Variants in PCDH15 observed in about 807,000 individuals in gnomAD.
PCDH15 encodes the protein protocadherin related 15.
In PCDH15, 129 loss-of-function variants were observed where a neutral mutation model predicts 178.5. The observed-to-expected ratio is 0.72, with a 90% CI of 0.63 to 0.84. The LOEUF (loss-of-function observed/expected upper bound fraction) is 0.84. Among genes scored for constraint, PCDH15 ranks in the 40% least tolerant of loss-of-function variants. The pLI is 0.00. For synonymous variants in PCDH15, 800 were observed against 732.0 expected (o/e 1.09, Z -1.50); for missense variants, 2,230 against 2,099.9 (o/e 1.06, Z -1.21).
At chr10:54,425,019 A>G (rs528471041) in intron 3 of PCDH15, among the ~76,000 whole-genome samples, 1 of 151,950 alleles carries the variant, frequency 6.6e-6, no homozygotes, top group East Asian at 1.9e-4. Context: ...AAAAAAAAAA[A>G]AAAAAGAAAA....
chr10:53,951,636 C>T (rs1015996306), intron 23 of PCDH15, among the ~76,000 whole-genome samples: 4 of 152,132 alleles, frequency 2.6e-5, no homozygotes, highest in Admixed American at 6.5e-5. Flanking sequence ...AATATACAAA[C>T]GTTTGTTTAC....
chr10:54,953,519 C>T (rs1838398992), intron 2 of PCDH15, among the ~76,000 whole-genome samples: 1 of 151,400 alleles, frequency 6.6e-6, no homozygotes, highest in Non-Finnish European at 1.5e-5. Context: ...CATTATAATA[C>T]ACCTAATCTA....
intron 3 of PCDH15, among the ~76,000 whole-genome samples, chr10:54,380,301 T>C (rs948788719): frequency 2.0e-5 from 3 of 151,804 alleles, no homozygotes; most frequent in Admixed American, 6.6e-5. Flanking sequence ...GTGGAATGAG[T>C]ATTTTTATTT....
intron 3 of PCDH15, among the ~76,000 whole-genome samples, chr10:54,443,505 C>T (rs1376392102): frequency 6.6e-6 from 1 of 151,334 alleles, no homozygotes; most frequent in Non-Finnish European, 1.5e-5. Flanking sequence ...AAAAAAAAAT[C>T]TGTATAAAAT....
At chr10:55,204,079 T>A (rs1591987401) in intron 1 of PCDH15, among the ~76,000 whole-genome samples, 1 of 149,960 alleles carries the variant, frequency 6.7e-6, no homozygotes, top group African/African-American at 2.4e-5. Flanking sequence ...ATAAACATTA[T>A]ATATAGTGCA....
intron 15 of PCDH15, among the ~76,000 whole-genome samples, chr10:54,113,845 A>C (rs2095067304): frequency 6.6e-6 from 1 of 152,138 alleles, no homozygotes. Flanking sequence ...TTTATAAAGA[A>C]AAAAAGGCCT....
At chr10:55,491,446 T>G (rs1004764536) in intron 2 of PCDH15, among the ~76,000 whole-genome samples, 8 of 151,668 alleles carry the variant, frequency 5.3e-5, no homozygotes, top group African/African-American at 1.7e-4. Flanking sequence ...GCTCTTCAGA[T>G]GGAGGTTTCA....
chr10:54,397,796 T>C (rs566960345), intron 3 of PCDH15, among the ~76,000 whole-genome samples: 5 of 152,134 alleles, frequency 3.3e-5, no homozygotes, highest in African/African-American at 1.2e-4. Context: ...AGCCAAAAGA[T>C]ACTTCTGCCA....
chr10:54,786,910 A>C (rs2133489202), intron 1 of PCDH15, among the ~76,000 whole-genome samples: 1 of 151,692 alleles, frequency 6.6e-6, no homozygotes, highest in South Asian at 2.1e-4. Context: ...ATCCATTGCA[A>C]TTTTCTTTGC....
intron 1 of PCDH15, among the ~76,000 whole-genome samples, chr10:54,792,547 C>A (rs567534484): frequency 6.6e-6 from 1 of 151,882 alleles, no homozygotes; most frequent in African/African-American, 2.4e-5. Context: ...AGTGTGGATG[C>A]GCTTTATCTA....
chr10:54,369,034 A>T, intron 5 of PCDH15, 86 bp downstream of exon 5: 1 of 1,450,382 alleles, frequency 6.9e-7, no homozygotes, highest in South Asian at 1.2e-5. Flanking sequence ...TCATAATTTT[A>T]AAGGAATCAT....
chr10:54,585,372 T>A (rs1415673154), intron 2 of PCDH15, among the ~76,000 whole-genome samples: 2 of 151,048 alleles, frequency 1.3e-5, no homozygotes, highest in Non-Finnish European at 3.0e-5. Flanking sequence ...TTTTAAAACT[T>A]CGGCTTTATT....
At position 54,062,255 on chromosome 10, in the gene PCDH15, AAAAAC is replaced by A. The variant is rs1167221815; in HGVS notation, c.2220+4497_2220+4501del. 1.3e-3 allele frequency among the ~76,000 whole-genome samples: 150 copies of A among 111,344 alleles called. 16 individuals are homozygous for A. The highest frequency in any genetic ancestry group is 2.0e-3 in the Non-Finnish European group (99 of 49,438). 73.0% of individuals were successfully genotyped at this position (111,344 alleles called of 152,430 possible). ...AAAAAAAAAAAAAAAAAAAAAAACA[AAAAAC>A]AACTAAATGAAAACTCCCTTCAGCA... On this transcript the variant is annotated intron_variant, in intron 18 of 37. Transcript: ENST00000644397.
chr10:54,431,628 A>T (rs1230909804), intron 3 of PCDH15, among the ~76,000 whole-genome samples: 1 of 152,178 alleles, frequency 6.6e-6, no homozygotes, highest in Admixed American at 6.5e-5. Flanking sequence ...AGCTATATAT[A>T]ACAGACCCAC....
At chr10:54,589,984 T>G (rs1265493792) in intron 2 of PCDH15, among the ~76,000 whole-genome samples, 1 of 152,174 alleles carries the variant, frequency 6.6e-6, no homozygotes, top group Non-Finnish European at 1.5e-5. Flanking sequence ...TGAGCATTTG[T>G]CATTATCTTA....
intron 6 of PCDH15, among the ~76,000 whole-genome samples, chr10:54,335,533 C>T (rs1399074408): frequency 1.3e-5 from 2 of 152,060 alleles, no homozygotes; most frequent in Non-Finnish European, 2.9e-5. Flanking sequence ...GGCATTTCCC[C>T]ATACTGTTTT....
At chr10:55,493,541 C>CA (rs796675889) in intron 2 of PCDH15, among the ~76,000 whole-genome samples, 3,636 of 133,036 alleles carry the variant, frequency 0.027, 122 homozygotes, top group African/African-American at 0.087. Flanking sequence ...AACCTTGTCT[C>CA]AAAAAAAAAA....
chr10:54,418,905 G>C (rs1954836229), intron 3 of PCDH15, among the ~76,000 whole-genome samples: 1 of 151,928 alleles, frequency 6.6e-6, no homozygotes, highest in Non-Finnish European at 1.5e-5. Flanking sequence ...GATGTCCGTA[G>C]AGAATTTTTA....
chr10:55,370,496 T>G (rs1009908649), intron 2 of PCDH15, among the ~76,000 whole-genome samples: 23 of 152,062 alleles, frequency 1.5e-4, no homozygotes, highest in African/African-American at 5.3e-4. Context: ...AACTAATGAA[T>G]CGCCTGTTAG....
Sources: allele counts gnomAD v4.1 joint callset (sites outside exome capture counted in the v4.1 genomes callset), GRCh38; gene constraint gnomAD v4.1.1; transcripts MANE v1.5; gene names NCBI Gene and HGNC (gene_info 2026-07-23, HGNC 2026-07-21).